Variants in TMIGD1 observed in about 807,000 individuals in gnomAD.
The protein encoded by TMIGD1 is transmembrane and immunoglobulin domain-containing protein 1.
TMIGD1 carries 29 observed loss-of-function variants against 27.5 expected under a neutral mutation model. That is an observed-to-expected ratio of 1.05 (90% confidence interval 0.78 to 1.44). The LOEUF is 1.44. TMIGD1 is among the 40% of genes most tolerant of loss of function. The pLI is 0.00. For missense variants in TMIGD1, 334 were observed against 310.6 expected (o/e 1.08, Z -0.57); for synonymous variants, 109 against 110.3 (o/e 0.99, Z 0.07).
At chr17:30,326,638 G>A (rs1173616890) in intron 3 of TMIGD1, among the ~76,000 whole-genome samples, 1 of 151,928 alleles carries the variant, frequency 6.6e-6, no homozygotes, top group East Asian at 1.9e-4. Context: ...GTTTTGATGG[G>A]CTTTAGGTTG....
intron 2 of TMIGD1, among the ~76,000 whole-genome samples, chr17:30,330,893 C>T (rs911053416): frequency 3.9e-5 from 6 of 152,154 alleles, no homozygotes; most frequent in African/African-American, 1.4e-4. Context: ...ATTAACCTTC[C>T]TTTTAAAACA....
intron 6 of TMIGD1, 59 bp from the exon 7 acceptor site, chr17:30,316,749 A>G (rs1909427680): frequency 7.9e-6 from 12 of 1,514,298 alleles, no homozygotes; most frequent in African/African-American, 1.4e-5. Flanking sequence ...AAAAAATTCA[A>G]AACAAAACCC....
At chr17:30,324,428 T>C (rs984568705) in intron 4 of TMIGD1, among the ~76,000 whole-genome samples, 3 of 152,220 alleles carry the variant, frequency 2.0e-5, no homozygotes, top group Non-Finnish European at 2.9e-5. Context: ...CATTTTCTTA[T>C]CTAGTCCTAA....
chr17:30,325,019 T>C lies in TMIGD1; in HGVS notation c.437A>G (p.Lys146Arg), dbSNP rs1345260393. 1 of 1,614,130 alleles carries C rather than the reference T, an allele frequency of 6.2e-7. No homozygotes were observed. Among genetic ancestry groups the C allele is most frequent in the Admixed American group, 1.7e-5 (1 of 60,016 alleles). Residue 146 changes from lysine to arginine, a missense_variant, in exon 4 of 7, where the codon AAA (lysine) becomes AGA (arginine). By Grantham distance (26) the Lys-to-Arg change is conservative (BLOSUM62 2). Transcript: ENST00000328886. ...CATCATTTGAGCCTGGGGGTTGGCT[T>C]TCACATTGCAAACCAACTTCACATT... ...GSNVKLVCNV[K>R]ANPQAQMMWY...
intron 4 of TMIGD1, among the ~76,000 whole-genome samples, chr17:30,319,782 G>A (rs1174767210): frequency 1.3e-5 from 2 of 151,960 alleles, no homozygotes; most frequent in African/African-American, 4.8e-5. Context: ...GGGGAGCCTT[G>A]TACCTGTACT....
chr17:30,319,802 C>G (rs11870819), intron 4 of TMIGD1, among the ~76,000 whole-genome samples: 1,996 of 151,826 alleles, frequency 0.013, 39 homozygotes, highest in African/African-American at 0.047. Context: ...TGCAATGGTG[C>G]CCCAAGCAGG....
chr17:30,324,908 G>T lies in TMIGD1; in HGVS notation c.548C>A (p.Thr183Asn). The T allele has an allele frequency of 6.2e-7, 1 of 1,614,154 alleles. No individual in the cohort carries two copies. Among genetic ancestry groups the T allele is most frequent in the Non-Finnish European group, 8.5e-7 (1 of 1,180,022 alleles). Residue 183 changes from threonine (T) to asparagine (N), a missense_variant, in exon 4 of 7, where the codon ACC becomes AAC. Thr to Asn is a moderately conservative substitution (Grantham distance 65, BLOSUM62 0). Transcript: ENST00000328886. ...QTSESFQLSI[T>N]KVEKPDNGTY... ...TCCGTTGTCAGGCTTCTCGACTTTGGTGATTGACAGCTGAAAAGACTCACT... is the reference window on the plus strand; with the variant it reads ...TCCGTTGTCAGGCTTCTCGACTTTGTTGATTGACAGCTGAAAAGACTCACT...
intron 5 of TMIGD1, among the ~76,000 whole-genome samples, chr17:30,317,937 G>A (rs933780343): frequency 7.3e-5 from 11 of 151,626 alleles, no homozygotes; most frequent in Non-Finnish European, 1.6e-4. Context: ...GCACGGTGGT[G>A]CATGCCTGTG....
rs931998075 is a variant in TMIGD1, at chr17:30,329,192, C to T, written c.361+59G>A. On this transcript the variant is annotated intron_variant, in intron 3 of 6. Coordinates refer to ENST00000328886, the MANE Select transcript of TMIGD1 (RefSeq NM_206832.3). ...AATACCAAGACCTAGATTTCAACTA[C>T]CACTTCATGTGTTACAGACATTACA... 13 of 1,569,624 alleles carry T rather than the reference C, an allele frequency of 8.3e-6. No homozygotes were observed. In the Middle Eastern group the frequency reaches 1.1e-3, roughly 132 times the overall value.
rs1461078571 is a variant in TMIGD1, at chr17:30,332,033, A to G, written c.82+19T>C. 4 of 1,577,932 alleles carry G rather than the reference A, an allele frequency of 2.5e-6. No homozygotes were observed. In the East Asian group the frequency reaches 9.0e-5, roughly 35 times the overall value. Reference sequence around the variant, plus strand: ...ATTTTTCTTTATCTAAAAAGAGGCCAAAAAGAACTTTAACTTACTTGTCAT... The same window carrying G: ...ATTTTTCTTTATCTAAAAAGAGGCCGAAAAGAACTTTAACTTACTTGTCAT... On this transcript the variant is annotated intron_variant, in intron 2 of 6. Transcript: ENST00000328886.
chr17:30,329,594 G>C (rs533922119), intron 2 of TMIGD1, 65 bp from the exon 3 acceptor site: 2 of 1,381,994 alleles, frequency 1.4e-6, no homozygotes, highest in Non-Finnish European at 2.0e-6. Context: ...CATGAACAGG[G>C]GATTGGTTAA....
Position 30,317,176 on chromosome 17 carries a change from C to G in TMIGD1, c.785+17G>C. The G allele has an allele frequency of 6.2e-7, 1 of 1,613,808 alleles. No individual in the cohort carries two copies. Among genetic ancestry groups the G allele is most frequent in the Non-Finnish European group, 8.5e-7 (1 of 1,179,776 alleles). Reference sequence around the variant, plus strand: ...CTGCTTATTTAAAAAGCACTGGTCCCGGCCTAGAGTACTTACAGAGCTGTT... The same window carrying G: ...CTGCTTATTTAAAAAGCACTGGTCCGGGCCTAGAGTACTTACAGAGCTGTT... On this transcript the variant is annotated intron_variant, in intron 6 of 6. Coordinates refer to ENST00000328886, the MANE Select transcript of TMIGD1 (RefSeq NM_206832.3).
intron 4 of TMIGD1, among the ~76,000 whole-genome samples, chr17:30,320,024 CA>C (rs1324048359): frequency 6.6e-6 from 1 of 151,866 alleles, no homozygotes; most frequent in East Asian, 1.9e-4. Flanking sequence ...TTCTAAACAC[CA>C]GGTCAACTGA....
Position 30,327,246 on chromosome 17 carries a change from G to A in TMIGD1, c.361+2005C>T, listed in dbSNP as rs143912483. Among the ~76,000 whole-genome samples the A allele has an allele frequency of 9.7e-4, 147 of 152,190 alleles. 1 individual carries two copies. In the East Asian group the frequency reaches 0.013, roughly 13 times the overall value. On this transcript the variant is annotated intron_variant, in intron 3 of 6. Coordinates refer to ENST00000328886, the MANE Select transcript of TMIGD1 (RefSeq NM_206832.3). ...AGCCTGGGCAACATAGCAAAACCCCGTCTCTACAAAAAATACAAAAATCAG... is the reference window on the plus strand; with the variant it reads ...AGCCTGGGCAACATAGCAAAACCCCATCTCTACAAAAAATACAAAAATCAG...
At chr17:30,322,998 C>T (rs564405744) in intron 4 of TMIGD1, among the ~76,000 whole-genome samples, 1 of 152,178 alleles carries the variant, frequency 6.6e-6, no homozygotes, top group East Asian at 1.9e-4. Flanking sequence ...GGCAAGACCT[C>T]CTCTCTACAA....
chr17:30,327,428 A>AAT (rs1014859441), intron 3 of TMIGD1, among the ~76,000 whole-genome samples: 2 of 151,696 alleles, frequency 1.3e-5, no homozygotes, highest in African/African-American at 2.4e-5. Flanking sequence ...AAAAAAAAAA[A>AAT]AGTTTCGTGG....
intron 4 of TMIGD1, 50 bp downstream of exon 4, chr17:30,324,766 T>C (rs1270124815): frequency 1.3e-6 from 2 of 1,568,124 alleles, no homozygotes; most frequent in Admixed American, 3.5e-5. Context: ...TCACTGAGCA[T>C]CTGGTGTGAG....
At chr17:30,317,007 T>C (rs1251798518) in intron 6 of TMIGD1, 186 bp downstream of exon 6, 1 of 693,946 alleles carries the variant, frequency 1.4e-6, no homozygotes, top group Non-Finnish European at 2.5e-6. Context: ...AGGTGTTCTC[T>C]ATTCTAGGCA....
At chr17:30,329,076 TCA>T (rs1883497158) in intron 3 of TMIGD1, among the ~76,000 whole-genome samples, 173 bp downstream of exon 3, 2 of 151,718 alleles carry the variant, frequency 1.3e-5, no homozygotes, top group South Asian at 2.1e-4. Flanking sequence ...TGGCAAATTC[TCA>T]GAGTTTGGCG....
Sources: gnomAD v4.1 joint callset for allele counts (sites outside exome capture counted in the v4.1 genomes callset) on GRCh38, gnomAD v4.1.1 for gene constraint, MANE v1.5 for transcripts, NCBI Gene and HGNC (gene_info 2026-07-23, HGNC 2026-07-21) for gene names.